Variants in SRGAP1 observed in about 807,000 individuals in gnomAD.
SRGAP1 encodes the protein SLIT-ROBO Rho GTPase-activating protein 1.
Under a neutral mutation model 121.9 loss-of-function variants are expected in SRGAP1, and 43 were observed. The ratio of observed to expected loss-of-function variants is 0.35; its 90% CI spans 0.28 to 0.46. SRGAP1 has a LOEUF of 0.46. Ranked by LOEUF, SRGAP1 falls within the 20% of genes least tolerant of loss-of-function variation. SRGAP1 has a pLI of 1.00. For synonymous variants in SRGAP1, 447 were observed against 485.4 expected, an observed-to-expected ratio of 0.92 and a Z score of 1.04; for missense variants, 1,102 against 1,350.9, an observed-to-expected ratio of 0.82 and a Z score of 2.89.
At chr12:64,118,311 C>T (rs11829790) in intron 18 of SRGAP1, among the ~76,000 whole-genome samples, 5,095 of 152,152 alleles carry the variant, frequency 0.033, 304 homozygotes, top group African/African-American at 0.12. Flanking sequence ...ACTTTGTCAC[C>T]CAGGCTGGAG....
At chr12:63,966,746 A>G (rs2032800946) in intron 1 of SRGAP1, among the ~76,000 whole-genome samples, 1 of 152,102 alleles carries the variant, frequency 6.6e-6, no homozygotes, top group Non-Finnish European at 1.5e-5. Flanking sequence ...GTTGAGTGGA[A>G]ATGGGTGGTG....
chr12:64,149,055 A>G lies in SRGAP1; in HGVS notation c.*6383A>G, dbSNP rs1238374110. ...TAGTGGTTTTTCCATTTTTACTGCTATATAGAATTCCATTACATGAATATG... is the reference window on the plus strand; with the variant it reads ...TAGTGGTTTTTCCATTTTTACTGCTGTATAGAATTCCATTACATGAATATG... On this transcript the variant is annotated 3_prime_UTR_variant, in exon 22 of 22. Coordinates refer to ENST00000355086, the MANE Select transcript of SRGAP1 (RefSeq NM_020762.4). 6.6e-6 allele frequency: 1 copy of G among 152,238 alleles called. No individual in the cohort carries two copies. Among genetic ancestry groups the G allele is most frequent in the Non-Finnish European group, 1.5e-5 (1 of 68,040 alleles). The allele number at this position is 152,238 out of a possible 1,614,324, so 9.4% of individuals were successfully genotyped here.
At chr12:63,921,007 A>G (rs1221750706) in intron 1 of SRGAP1, among the ~76,000 whole-genome samples, 1 of 152,174 alleles carries the variant, frequency 6.6e-6, no homozygotes, top group African/African-American at 2.4e-5. Context: ...AACTGAACAA[A>G]TGCTTTTTTG....
At position 63,932,446 on chromosome 12, in the gene SRGAP1, T is replaced by C. The variant is rs1020963239; in HGVS notation, c.68-51501T>C. The stretch of plus-strand genomic sequence containing the variant: ...TACAAAGAAATACAATATGCAGATA[T>C]GGGTATTTCCCAACAGATCTTATAC... On this transcript the variant is annotated intron_variant, in intron 1 of 21. Transcript: ENST00000355086. Among the ~76,000 whole-genome samples the C allele has an allele frequency of 2.6e-5, 4 of 152,220 alleles. No homozygotes were observed. The South Asian group carries it at 8.3e-4, about 31-fold the overall frequency.
intron 3 of SRGAP1, among the ~76,000 whole-genome samples, chr12:64,006,184 C>T (rs1166563232): frequency 6.6e-6 from 1 of 152,144 alleles, no homozygotes; most frequent in Non-Finnish European, 1.5e-5. Flanking sequence ...TACAAAGGAA[C>T]TGGGGGAAGT....
At chr12:63,866,768 C>G (rs1318227148) in intron 1 of SRGAP1, among the ~76,000 whole-genome samples, 1 of 149,832 alleles carries the variant, frequency 6.7e-6, no homozygotes, top group East Asian at 1.9e-4. Context: ...GTCATCTATA[C>G]CAGTGCTACT....
chr12:64,071,874 C>T (rs2035642706), intron 8 of SRGAP1, among the ~76,000 whole-genome samples: 1 of 148,838 alleles, frequency 6.7e-6, no homozygotes, highest in African/African-American at 2.5e-5. Context: ...ACCCTCACCC[C>T]CCCCCAAAAA....
chr12:63,892,857 G>T (rs1484653062), intron 1 of SRGAP1, among the ~76,000 whole-genome samples: 1 of 151,970 alleles, frequency 6.6e-6, no homozygotes, highest in Non-Finnish European at 1.5e-5. Flanking sequence ...GGTAGAGACT[G>T]TAGCGCATTT....
rs1284685605 is a variant in SRGAP1 at position 64,086,120 on chromosome 12, C to T, written c.1409-879C>T. Among the ~76,000 whole-genome samples the T allele has an allele frequency of 5.0e-4, 76 of 152,176 alleles. 1 individual carries two copies. The highest frequency in any genetic ancestry group is 5.0e-3 in the Admixed American group (76 of 15,270). ...AATCACTGCATTATGATATGATAGG[C>T]TGAGCTTAGCTGTTTGTGCTGCAAC... On this transcript the variant is annotated intron_variant, in intron 10 of 21. Coordinates refer to ENST00000355086, the MANE Select transcript of SRGAP1 (RefSeq NM_020762.4).
intron 12 of SRGAP1, chr12:64,091,812 G>GAC (rs2136584616): frequency 6.1e-6 from 3 of 495,374 alleles, no homozygotes; most frequent in Non-Finnish European, 2.7e-6. Context: ...TGAATTGTAA[G>GAC]ACTATGATCT....
At position 64,157,664 on chromosome 12, in the gene SRGAP1, T is replaced by C. The variant is rs766519973; in HGVS notation, c.*14992T>C. ...TCTTTAAAAATTTATATTTCAAGTG[T>C]GTGGGGGCAATAAAGAGGCCAGATA... On this transcript the variant is annotated 3_prime_UTR_variant, in exon 22 of 22. Transcript: ENST00000355086. 2.0e-5 allele frequency: 3 copies of C among 152,102 alleles called. No individual in the cohort carries two copies. Among genetic ancestry groups the C allele is most frequent in the Non-Finnish European group, 4.4e-5 (3 of 68,026 alleles). 9.4% of individuals were successfully genotyped at this position (152,102 alleles called of 1,614,324 possible). A position where few individuals can be genotyped will look rare whatever the true frequency, so the allele number is the denominator to read the frequency against.
At chr12:63,942,637 C>G (rs2031908097) in intron 1 of SRGAP1, among the ~76,000 whole-genome samples, 2 of 152,112 alleles carry the variant, frequency 1.3e-5, no homozygotes, top group South Asian at 4.1e-4. Context: ...CATAATGAAC[C>G]ATTATTACCA....
chr12:63,977,632 G>T (rs2033127595), intron 1 of SRGAP1, among the ~76,000 whole-genome samples: 1 of 110,848 alleles, frequency 9.0e-6, no homozygotes, highest in Admixed American at 8.9e-5. Context: ...ATTTTATTTG[G>T]CAAGTATTAG....
At chr12:63,965,437 CTTT>C (rs970607172) in intron 1 of SRGAP1, among the ~76,000 whole-genome samples, 6 of 152,140 alleles carry the variant, frequency 3.9e-5, no homozygotes, top group African/African-American at 1.2e-4. Context: ...CATTTTCTAA[CTTT>C]TTATGATGCA....
rs1938841541 is a variant in SRGAP1, at chr12:64,159,162, G to GT, written c.*16496dup. 6.6e-6 allele frequency: 1 copy of GT among 152,240 alleles called. No homozygotes were observed. Among genetic ancestry groups the GT allele is most frequent in the South Asian group, 2.1e-4 (1 of 4,828 alleles). The allele number at this position is 152,240 out of a possible 1,614,324, so 9.4% of individuals were successfully genotyped here. A position where few individuals can be genotyped will look rare whatever the true frequency, so the allele number is the denominator to read the frequency against. ...AGCAAGACCCCATCCCTACAAAACA[G>GT]TTTTTTAAAAAACTAGCTGTAGGGC... On this transcript the variant is annotated 3_prime_UTR_variant, in exon 22 of 22. Coordinates refer to ENST00000355086, the MANE Select transcript of SRGAP1 (RefSeq NM_020762.4).
chr12:64,097,041 T>A (rs372051334), intron 14 of SRGAP1, among the ~76,000 whole-genome samples, 200 bp from the exon 15 acceptor site: 2 of 152,244 alleles, frequency 1.3e-5, no homozygotes, highest in African/African-American at 4.8e-5. Flanking sequence ...TTAAAAGCTT[T>A]ATTTTAGTCA....
At chr12:64,016,628 T>A (rs148207434) in intron 3 of SRGAP1, among the ~76,000 whole-genome samples, 54 of 152,378 alleles carry the variant, frequency 3.5e-4, no homozygotes, top group African/African-American at 1.2e-3. Context: ...CTAGTTCATC[T>A]TTAATGGTCC....
At chr12:63,975,522 A>G (rs950504374) in intron 1 of SRGAP1, among the ~76,000 whole-genome samples, 2 of 152,214 alleles carry the variant, frequency 1.3e-5, no homozygotes, top group African/African-American at 2.4e-5. Context: ...TTTATATAAT[A>G]CAATATATCC....
At chr12:64,029,677 AT>A (rs1181055060) in intron 4 of SRGAP1, among the ~76,000 whole-genome samples, 1 of 152,154 alleles carries the variant, frequency 6.6e-6, no homozygotes, top group Non-Finnish European at 1.5e-5. Context: ...ATATTGCAAG[AT>A]TGTTAGCAAA....
Sources: allele counts gnomAD v4.1 joint callset (sites outside exome capture counted in the v4.1 genomes callset), GRCh38; gene constraint gnomAD v4.1.1; transcripts MANE v1.5; gene names NCBI Gene and HGNC (gene_info 2026-07-23, HGNC 2026-07-21).